Variants in PCDHA6 observed in about 807,000 individuals in gnomAD.
PCDHA6 encodes protocadherin alpha 6, also known as protocadherin alpha-6.
Under a neutral mutation model 60.3 loss-of-function variants are expected in PCDHA6, and 55 were observed. The observed-to-expected ratio is 0.91, with a 90% CI of 0.73 to 1.14. PCDHA6 has a LOEUF of 1.14. Among genes scored for constraint, PCDHA6 ranks in the 50% most tolerant of loss-of-function variants. The pLI is 0.00. For missense variants in PCDHA6, 1,327 were observed against 1,256.5 expected (o/e 1.06, Z -0.85); for synonymous variants, 652 against 557.9 (o/e 1.17, Z -2.38).
At position 140,856,216 on chromosome 5, in the gene PCDHA6, G is replaced by A. The variant is rs782147679; in HGVS notation, c.2394+25731G>A. ...CGCAGGACCTGGGGCTGGAGCTGGC[G>A]GAGCTGGTGCAGCGCCTGTTCCGGG... On this transcript the variant is annotated intron_variant, in intron 1 of 3. Coordinates refer to ENST00000529310, the MANE Select transcript of PCDHA6 (RefSeq NM_018909.4). The A allele has an allele frequency of 8.1e-6, 13 of 1,597,922 alleles. 1 individual carries two copies. The Admixed American group carries it at 1.5e-4, about 19-fold the overall frequency.
chr5:140,969,049 C>A, intron 1 of PCDHA6: 1 of 1,614,142 alleles, frequency 6.2e-7, no homozygotes, highest in Non-Finnish European at 8.5e-7. Context: ...AACAAGCCAA[C>A]AACAATATTG....
At chr5:140,850,208 G>T (rs2150473240) in intron 1 of PCDHA6, 1 of 1,593,570 alleles carries the variant, frequency 6.3e-7, no homozygotes, top group Non-Finnish European at 8.6e-7. Flanking sequence ...CTCGGATGAG[G>T]GGCACTGACG....
At position 140,871,619 on chromosome 5, in the gene PCDHA6, A is replaced by G. The variant is rs1214249274; in HGVS notation, c.2394+41134A>G. ...ACCAGTGTTTTGAATATTGTTTTAG[A>G]TAACAATGTCTGTTCATAAAATACC... On this transcript the variant is annotated intron_variant, in intron 1 of 3. Coordinates refer to ENST00000529310, the MANE Select transcript of PCDHA6 (RefSeq NM_018909.4). 17 of 1,415,418 alleles carry G rather than the reference A, an allele frequency of 1.2e-5. No individual in the cohort carries two copies. In the Admixed American group the frequency reaches 3.9e-4, roughly 33 times the overall value. The allele number at this position is 1,415,418 out of a possible 1,614,324, so 87.7% of individuals were successfully genotyped here.
chr5:140,965,424 G>A (rs2095899424), intron 1 of PCDHA6, among the ~76,000 whole-genome samples: 1 of 152,086 alleles, frequency 6.6e-6, no homozygotes, highest in African/African-American at 2.4e-5. Flanking sequence ...AGGAAGATAA[G>A]CTGCAGTCAT....
intron 1 of PCDHA6, among the ~76,000 whole-genome samples, chr5:140,933,619 T>C (rs2089273151): frequency 2.6e-5 from 4 of 152,058 alleles, no homozygotes; most frequent in Non-Finnish European, 2.9e-5. Flanking sequence ...TCTTATTAGG[T>C]TAGGCTGGCC....
rs2150531861 is a variant in PCDHA6, at chr5:140,853,433, C to T, written c.2394+22948C>T. Reference sequence around the variant, plus strand: ...AGGTGAAAGCAGAAGAGACACTTTCCTATTTTGCCTAATAGGTCTCCTTAT... The same window carrying T: ...AGGTGAAAGCAGAAGAGACACTTTCTTATTTTGCCTAATAGGTCTCCTTAT... On this transcript the variant is annotated intron_variant, in intron 1 of 3. Coordinates refer to ENST00000529310, the MANE Select transcript of PCDHA6 (RefSeq NM_018909.4). The T allele has an allele frequency of 2.1e-5, 21 of 984,946 alleles. 3 individuals carry two copies. The highest frequency in any genetic ancestry group is 2.3e-5 in the Non-Finnish European group (19 of 817,128). 61.0% of individuals were successfully genotyped at this position (984,946 alleles called of 1,614,324 possible).
intron 1 of PCDHA6, chr5:140,851,015 G>A: frequency 2.1e-6 from 3 of 1,432,294 alleles, no homozygotes; most frequent in Non-Finnish European, 1.8e-6. Context: ...TTTTTTTTCT[G>A]ATAAAGTAAA....
chr5:140,967,453 C>A (rs782630345), intron 1 of PCDHA6: 1 of 1,613,556 alleles, frequency 6.2e-7, no homozygotes, highest in Non-Finnish European at 8.5e-7. Context: ...TTCTCACAGC[C>A]GTGGATGGGG....
chr5:140,989,775 C>G (rs1286076429), intron 3 of PCDHA6, among the ~76,000 whole-genome samples: 1 of 152,178 alleles, frequency 6.6e-6, no homozygotes, highest in Non-Finnish European at 1.5e-5. Flanking sequence ...CAAGCACTGG[C>G]TAGAGACTAG....
intron 1 of PCDHA6, chr5:140,882,355 C>T: frequency 6.2e-7 from 1 of 1,614,166 alleles, no homozygotes; most frequent in African/African-American, 1.3e-5. Context: ...CGGGTAGTGG[C>T]CAGCTCCACT....
intron 1 of PCDHA6, among the ~76,000 whole-genome samples, chr5:140,937,187 G>A (rs1443565443): frequency 6.6e-6 from 1 of 151,764 alleles, no homozygotes; most frequent in Non-Finnish European, 1.5e-5. Context: ...ACAGGCGCCC[G>A]CCACCATGCC....
chr5:140,908,967 G>C (rs1039870615), intron 1 of PCDHA6, among the ~76,000 whole-genome samples: 4 of 152,076 alleles, frequency 2.6e-5, no homozygotes, highest in Non-Finnish European at 5.9e-5. Context: ...ATCTTGATAG[G>C]CCCCACTCCA....
chr5:140,917,294 G>A (rs1369973116), intron 1 of PCDHA6, among the ~76,000 whole-genome samples: 2 of 143,498 alleles, frequency 1.4e-5, no homozygotes, highest in Non-Finnish European at 3.0e-5. Flanking sequence ...TCCGTGTGCA[G>A]ATAGTTGTTA....
chr5:140,969,464 C>A, intron 1 of PCDHA6: 1 of 1,491,558 alleles, frequency 6.7e-7, no homozygotes. Flanking sequence ...ATATAGTATC[C>A]ACAATTTGAT....
intron 1 of PCDHA6, chr5:140,847,447 T>C (rs1013186891): frequency 6.7e-6 from 1 of 149,786 alleles, no homozygotes; most frequent in Non-Finnish European, 1.5e-5. Context: ...CACTAAAATC[T>C]AGATTTAATT....
In PCDHA6 at chr5:140,993,460, T is replaced by TCCCA. The variant is rs1554253699; in HGVS notation, c.2542+10898_2542+10899insCCAC. On this transcript the variant is annotated intron_variant, in intron 3 of 3. Transcript: ENST00000529310. Reference sequence around the variant, plus strand: ...TTCATTCCTGTTCTCCTTCTTTCTTTCTCACACACACACACACACACACAC... The same window carrying TCCCA: ...TTCATTCCTGTTCTCCTTCTTTCTTTCCCACTCACACACACACACACACACACAC... Among the ~76,000 whole-genome samples, 30 of 104,506 alleles carry TCCCA rather than the reference T, an allele frequency of 2.9e-4. 1 individual carries two copies. The highest frequency in any genetic ancestry group is 1.1e-3 in the African/African-American group (29 of 25,484). The allele number at this position is 104,506 out of a possible 152,430, so 68.6% of individuals were successfully genotyped here.
chr5:141,005,563 A>G (rs938722871), intron 3 of PCDHA6, among the ~76,000 whole-genome samples: 4 of 151,458 alleles, frequency 2.6e-5, no homozygotes, highest in East Asian at 1.9e-4. Context: ...TTAGCCGGGC[A>G]TGGTGGCGCG....
At chr5:140,976,871 A>G (rs2096735171) in intron 1 of PCDHA6, among the ~76,000 whole-genome samples, 2 of 152,224 alleles carry the variant, frequency 1.3e-5, no homozygotes, top group Non-Finnish European at 2.9e-5. Flanking sequence ...TGTCTGACAA[A>G]GAAAGAATTA....
At chr5:140,906,253 A>C (rs1049653184) in intron 1 of PCDHA6, among the ~76,000 whole-genome samples, 5 of 152,064 alleles carry the variant, frequency 3.3e-5, no homozygotes, top group South Asian at 2.1e-4. Flanking sequence ...ACCCATACAC[A>C]CCTCCTGAAA....
Sources: allele counts gnomAD v4.1 joint callset (sites outside exome capture counted in the v4.1 genomes callset), GRCh38; gene constraint gnomAD v4.1.1; transcripts MANE v1.5; gene names NCBI Gene and HGNC (gene_info 2026-07-23, HGNC 2026-07-21).